PKIB: variants seen among roughly 807,000 people sequenced by gnomAD.
PKIB encodes PKI-beta.
A neutral mutation model predicts 4.5 loss-of-function variants in PKIB; 2 were observed. The observed-to-expected ratio is 0.44, with a 90% CI of 0.18 to 1.39. PKIB has a LOEUF of 1.39. Among genes scored for constraint, PKIB ranks in the 40% most tolerant of loss-of-function variants. PKIB has a pLI of 0.27. For missense variants in PKIB, 94 were observed against 92.6 expected (o/e 1.02, Z -0.06); for synonymous variants, 38 against 36.0 (o/e 1.06, Z -0.20).
chr6:122,686,267 C>T (rs1490316488), intron 3 of PKIB, among the ~76,000 whole-genome samples: 1 of 152,118 alleles, frequency 6.6e-6, no homozygotes, highest in Non-Finnish European at 1.5e-5. Flanking sequence ...TACATTCCCA[C>T]CAACAGTATA....
chr6:122,614,467 T>G (rs982842358), intron 1 of PKIB, among the ~76,000 whole-genome samples: 3 of 152,232 alleles, frequency 2.0e-5, no homozygotes, highest in African/African-American at 7.2e-5. Flanking sequence ...TAAGCACTCT[T>G]ATTGGCTATG....
At chr6:122,626,073 T>TATAG (rs61494727) in intron 1 of PKIB, among the ~76,000 whole-genome samples, 52,120 of 151,000 alleles carry the variant, frequency 0.35, 9,870 homozygotes, top group South Asian at 0.6. Flanking sequence ...AATTTCAAAA[T>TATAG]ATAGATAGAT....
chr6:122,604,827 G>T (rs957258686), intron 3 of PKIB, among the ~76,000 whole-genome samples: 1 of 152,166 alleles, frequency 6.6e-6, no homozygotes, highest in Non-Finnish European at 1.5e-5. Flanking sequence ...GCAAAACAAT[G>T]CCCTATTGAT....
chr6:122,607,928 C>T (rs182410129), upstream of PKIB, among the ~76,000 whole-genome samples: 61 of 152,346 alleles, frequency 4.0e-4, no homozygotes, highest in African/African-American at 1.3e-3. Context: ...AGTTCTGGAT[C>T]AGTCCACTAC....
At chr6:122,674,392 G>A (rs1338968871) in intron 2 of PKIB, among the ~76,000 whole-genome samples, 1 of 152,124 alleles carries the variant, frequency 6.6e-6, no homozygotes, top group Admixed American at 6.6e-5. Context: ...GTGTGGTGAA[G>A]GGAATTTGCA....
intron 3 of PKIB, among the ~76,000 whole-genome samples, chr6:122,601,488 C>T (rs910708206): frequency 3.3e-5 from 5 of 152,212 alleles, no homozygotes; most frequent in Middle Eastern, 3.4e-3. Context: ...GAAAAGGGAT[C>T]TCCATCAAGT....
At chr6:122,560,100 G>C (rs1050771345) in intron 2 of PKIB, among the ~76,000 whole-genome samples, 1 of 152,088 alleles carries the variant, frequency 6.6e-6, no homozygotes, top group African/African-American at 2.4e-5. Context: ...TGGCGAGACT[G>C]GGCATCCTTG....
At chr6:122,574,930 G>A (rs1306034494) in intron 2 of PKIB, among the ~76,000 whole-genome samples, 1 of 152,078 alleles carries the variant, frequency 6.6e-6, no homozygotes, top group African/African-American at 2.4e-5. Flanking sequence ...CTTCTGCACA[G>A]CAAAAGAAAT....
intron 3 of PKIB, among the ~76,000 whole-genome samples, chr6:122,589,560 T>C (rs1451760970): frequency 6.6e-6 from 1 of 152,090 alleles, no homozygotes; most frequent in Non-Finnish European, 1.5e-5. Flanking sequence ...TAAAATGTAT[T>C]TATAAATGTA....
intron 2 of PKIB, among the ~76,000 whole-genome samples, chr6:122,583,631 A>G (rs1402057114): frequency 6.6e-6 from 1 of 152,232 alleles, no homozygotes; most frequent in East Asian, 1.9e-4. Flanking sequence ...TACATTTTGT[A>G]ATGTTAATTC....
intron 3 of PKIB, among the ~76,000 whole-genome samples, chr6:122,676,887 C>T (rs375186446): frequency 1.7e-4 from 26 of 152,178 alleles, no homozygotes; most frequent in East Asian, 9.7e-4. Flanking sequence ...CTTGTGATTC[C>T]AGGTAAGTTG....
chr6:122,665,653 G>A (rs777884166), intron 2 of PKIB, among the ~76,000 whole-genome samples: 5 of 151,936 alleles, frequency 3.3e-5, no homozygotes, highest in African/African-American at 2.4e-5. Flanking sequence ...GGAAACAGAC[G>A]TTAGGGAAAG....
intron 2 of PKIB, among the ~76,000 whole-genome samples, chr6:122,549,828 T>A (rs1305985304): frequency 6.8e-6 from 1 of 147,972 alleles, no homozygotes; most frequent in Non-Finnish European, 1.5e-5. Context: ...TATATATATA[T>A]AAAATATATA....
At chr6:122,587,746 G>A (rs1234878548) in intron 3 of PKIB, among the ~76,000 whole-genome samples, 2 of 152,182 alleles carry the variant, frequency 1.3e-5, no homozygotes, top group Non-Finnish European at 2.9e-5. Context: ...GTACCTCATT[G>A]TGGTTTTGAT....
intron 1 of PKIB, among the ~76,000 whole-genome samples, chr6:122,629,398 A>G (rs1035423262): frequency 6.6e-6 from 1 of 152,010 alleles, no homozygotes; most frequent in African/African-American, 2.4e-5. Context: ...AATATCTATC[A>G]TGAGTTCATA....
intron 2 of PKIB, among the ~76,000 whole-genome samples, chr6:122,501,022 A>G (rs1449650892): frequency 1.3e-5 from 2 of 152,032 alleles, no homozygotes; most frequent in Middle Eastern, 3.4e-3. Context: ...CCCTCTCCCA[A>G]CACGTGGGGA....
chr6:122,674,136 G>A (rs1206945472), intron 2 of PKIB, among the ~76,000 whole-genome samples: 1 of 152,078 alleles, frequency 6.6e-6, no homozygotes, highest in African/African-American at 2.4e-5. Context: ...AAGTGGAGTG[G>A]GGCTAGTTCT....
At chr6:122,496,784 A>G (rs1582658147) in intron 2 of PKIB, among the ~76,000 whole-genome samples, 1 of 152,306 alleles carries the variant, frequency 6.6e-6, no homozygotes, top group East Asian at 1.9e-4. Context: ...GATACAAAGT[A>G]AACCTGAAAA....
chr6:122,626,508 A>T (rs996618018), intron 1 of PKIB, among the ~76,000 whole-genome samples: 1 of 152,202 alleles, frequency 6.6e-6, no homozygotes, highest in Non-Finnish European at 1.5e-5. Flanking sequence ...TGGGGCAGAG[A>T]TTATGATTAA....
Sources: gnomAD v4.1 joint callset for allele counts (sites outside exome capture counted in the v4.1 genomes callset) on GRCh38, gnomAD v4.1.1 for gene constraint, MANE v1.5 for transcripts, NCBI Gene and HGNC (gene_info 2026-07-23, HGNC 2026-07-21) for gene names.